The following LGR4 variants were observed in gnomAD, a reference collection of about 807,000 sequenced individuals.
LGR4 encodes the protein leucine rich repeat containing G protein-coupled receptor 4, also known as leucine-rich repeat-containing G protein-coupled receptor 4.
Under a neutral mutation model 84.8 loss-of-function variants are expected in LGR4, and 44 were observed. The ratio of observed to expected loss-of-function variants is 0.52; its 90% CI spans 0.41 to 0.67. The LOEUF (loss-of-function observed/expected upper bound fraction) is 0.67. Ranked by LOEUF, LGR4 falls within the 30% of genes least tolerant of loss-of-function variation. The pLI, the probability that LGR4 is intolerant of heterozygous loss-of-function variation, is 0.00. For missense variants in LGR4, 1,032 were observed against 1,131.4 expected (o/e 0.91, Z 1.26); for synonymous variants, 429 against 434.3 (o/e 0.99, Z 0.15).
At position 27,377,081 on chromosome 11, in the gene LGR4, C is replaced by T. The variant is rs1023544210; in HGVS notation, c.1109+77G>A. On this transcript the variant is annotated intron_variant, in intron 12 of 17. Coordinates refer to ENST00000379214, the MANE Select transcript of LGR4 (RefSeq NM_018490.5). ...ATTTCTAATTTCTTACTATTAAAGC[C>T]ATCTATTAAAAATACGAAATGCTCA... The T allele has an allele frequency of 3.9e-6, 3 of 774,912 alleles. No homozygotes were observed. In the African/African-American group the frequency reaches 5.3e-5, roughly 14 times the overall value. 48.0% of individuals were successfully genotyped at this position (774,912 alleles called of 1,614,324 possible). A position where few individuals can be genotyped will look rare whatever the true frequency, so the allele number is the denominator to read the frequency against.
At chr11:27,437,942 C>T (rs768613719) in intron 1 of LGR4, among the ~76,000 whole-genome samples, 24 of 151,840 alleles carry the variant, frequency 1.6e-4, no homozygotes, top group Non-Finnish European at 2.9e-4. Context: ...CTTGAGCTTG[C>T]GAGGTTAAGA....
At chr11:27,431,558 G>A (rs909263182) in intron 1 of LGR4, among the ~76,000 whole-genome samples, 4 of 152,188 alleles carry the variant, frequency 2.6e-5, no homozygotes, top group African/African-American at 4.8e-5. Context: ...CACCATGGAC[G>A]TTTAAATGGT....
rs773360974 is a variant in LGR4, at chr11:27,368,892, A to G, written c.1831T>C (p.Trp611Arg). Residue 611 changes from tryptophan (W) to arginine (R), a missense_variant, in exon 18 of 18, where the codon TGG becomes CGG. Coordinates refer to ENST00000379214, the MANE Select transcript of LGR4 (RefSeq NM_018490.5). Reference sequence around the variant, plus strand: ...TTGCAGCCACTGCCAGTTTCCCACCAAATGCCAAATTCAGCGAATCTGCCC... The same window carrying G: ...TTGCAGCCACTGCCAGTTTCCCACCGAATGCCAAATTCAGCGAATCTGCCC... ...SWGRFAEFGI[W>R]WETGSGCKVA... 3 of 1,614,212 alleles carry G rather than the reference A, an allele frequency of 1.9e-6. No homozygotes were observed. Among genetic ancestry groups the G allele is most frequent in the Non-Finnish European group, 2.5e-6 (3 of 1,180,024 alleles).
At chr11:27,384,486 G>A (rs887706847) in intron 5 of LGR4, 79 bp from the exon 6 acceptor site, 10 of 965,282 alleles carry the variant, frequency 1.0e-5, no homozygotes. Flanking sequence ...TGTCTGAGTT[G>A]GTGTGTAAAG....
Position 27,437,768 on chromosome 11 carries a change from CA to C in LGR4, c.186-24909del, listed in dbSNP as rs1864236536. 1.0e-4 allele frequency among the ~76,000 whole-genome samples: 12 copies of C among 114,400 alleles called. 1 individual carries two copies. The Admixed American group carries it at 1.1e-3, about 10-fold the overall frequency. 75.1% of individuals were successfully genotyped at this position (114,400 alleles called of 152,430 possible). ...TATAATTCCAGCACTTTGGGAGGTACAGGCAGGAGGACCTCCTGAGCCCAGG... is the reference window on the plus strand; with the variant it reads ...TATAATTCCAGCACTTTGGGAGGTACGGCAGGAGGACCTCCTGAGCCCAGG... On this transcript the variant is annotated intron_variant, in intron 1 of 17. Coordinates refer to ENST00000379214, the MANE Select transcript of LGR4 (RefSeq NM_018490.5).
intron 1 of LGR4, among the ~76,000 whole-genome samples, chr11:27,425,725 T>C (rs548599157): frequency 6.6e-6 from 1 of 152,282 alleles, no homozygotes; most frequent in East Asian, 1.9e-4. Context: ...TATGGCTGAA[T>C]GAAGTTGGGT....
At chr11:27,405,763 C>T (rs1455674087) in intron 2 of LGR4, among the ~76,000 whole-genome samples, 2 of 152,062 alleles carry the variant, frequency 1.3e-5, no homozygotes, top group East Asian at 3.9e-4. Flanking sequence ...AATAGGTGCC[C>T]TCCTCCCTAT....
chr11:27,424,010 G>A (rs563686923), intron 1 of LGR4, among the ~76,000 whole-genome samples: 42 of 152,310 alleles, frequency 2.8e-4, no homozygotes, highest in Admixed American at 2.0e-3. Context: ...AAAGATGACT[G>A]AGAGTTACTG....
Position 27,392,091 on chromosome 11 carries a change from C to T in LGR4, c.329+356G>A, listed in dbSNP as rs534055515. On this transcript the variant is annotated intron_variant, in intron 3 of 17. Coordinates refer to ENST00000379214, the MANE Select transcript of LGR4 (RefSeq NM_018490.5). ...TTTGGAGCACTTGTAAGCCTTTTTC[C>T]CTTTTAGAGTCAGGTAATTCAAAGT... is the stretch of plus-strand genomic sequence containing the variant. 7.6e-4 allele frequency among the ~76,000 whole-genome samples: 116 copies of T among 152,174 alleles called. 1 individual carries two copies. Among genetic ancestry groups the T allele is most frequent in the African/African-American group, 2.6e-3 (110 of 41,542 alleles).
chr11:27,425,765 G>A (rs976775284), intron 1 of LGR4, among the ~76,000 whole-genome samples: 1 of 152,092 alleles, frequency 6.6e-6, no homozygotes, highest in Non-Finnish European at 1.5e-5. Flanking sequence ...TGGAATTTTT[G>A]GTTTGGACTG....
At chr11:27,403,201 T>C (rs1265977893) in intron 2 of LGR4, among the ~76,000 whole-genome samples, 1 of 152,234 alleles carries the variant, frequency 6.6e-6, no homozygotes, top group African/African-American at 2.4e-5. Flanking sequence ...CTGGGTGCGA[T>C]GGCTCATGCC....
Position 27,376,492 on chromosome 11 carries a change from T to G in LGR4, c.1110-122A>C, listed in dbSNP as rs935348748. 4.0e-5 allele frequency: 20 copies of G among 501,118 alleles called. No individual in the cohort carries two copies. In the East Asian group the frequency reaches 6.5e-4, roughly 16 times the overall value. The allele number at this position is 501,118 out of a possible 1,614,324, so 31.0% of individuals were successfully genotyped here. A position where few individuals can be genotyped will look rare whatever the true frequency, so the allele number is the denominator to read the frequency against. ...TTACTTTCTATTTTGAAAAATAACA[T>G]TATAACATTTCTTAGTTGAGTTTTT... On this transcript the variant is annotated intron_variant, in intron 12 of 17. Coordinates refer to ENST00000379214, the MANE Select transcript of LGR4 (RefSeq NM_018490.5).
chr11:27,416,960 C>T (rs2133404003), intron 1 of LGR4, among the ~76,000 whole-genome samples: 1 of 152,206 alleles, frequency 6.6e-6, no homozygotes, highest in East Asian at 1.9e-4. Flanking sequence ...AAAATGATCC[C>T]TAAGCAAGCC....
intron 14 of LGR4, 60 bp downstream of exon 14, chr11:27,373,915 A>G (rs1235530523): frequency 2.5e-6 from 3 of 1,198,164 alleles, no homozygotes; most frequent in South Asian, 1.2e-5. Flanking sequence ...ATGTTAAAAC[A>G]GATGTTTCTA....
At chr11:27,424,601 AACCCCACGG>A (rs1414901187) in intron 1 of LGR4, among the ~76,000 whole-genome samples, 1 of 152,156 alleles carries the variant, frequency 6.6e-6, no homozygotes, top group Non-Finnish European at 1.5e-5. Flanking sequence ...TTGCAGGAGA[AACCCCACGG>A]AGCTCACGGA....
intron 1 of LGR4, among the ~76,000 whole-genome samples, chr11:27,422,163 G>A (rs1863933432): frequency 6.6e-6 from 1 of 152,046 alleles, no homozygotes; most frequent in Non-Finnish European, 1.5e-5. Context: ...ATTATCGTCT[G>A]GGCAAATTGG....
intron 17 of LGR4, 123 bp downstream of exon 17, chr11:27,371,492 G>T: frequency 1.7e-6 from 1 of 599,948 alleles, no homozygotes; most frequent in Non-Finnish European, 2.8e-6. Context: ...AAATCAGAAG[G>T]CCTCACAGGA....
chr11:27,421,946 A>G (rs983049334), intron 1 of LGR4, among the ~76,000 whole-genome samples: 4 of 152,214 alleles, frequency 2.6e-5, no homozygotes, highest in African/African-American at 9.6e-5. Flanking sequence ...GAACCCTACC[A>G]TCTGGCAACA....
At chr11:27,434,323 C>T (rs61887839) in intron 1 of LGR4, among the ~76,000 whole-genome samples, 2 of 152,164 alleles carry the variant, frequency 1.3e-5, no homozygotes. Context: ...GCTCTAGATG[C>T]ATGAATTAAG....
Sources: gnomAD v4.1 joint callset for allele counts (sites outside exome capture counted in the v4.1 genomes callset) on GRCh38, gnomAD v4.1.1 for gene constraint, MANE v1.5 for transcripts, NCBI Gene and HGNC (gene_info 2026-07-23, HGNC 2026-07-21) for gene names.